The following PSCA variants were observed in gnomAD, a reference collection of about 807,000 sequenced individuals.
PSCA encodes prostate stem cell antigen.
PSCA carries 7 observed loss-of-function variants against 7.9 expected under a neutral mutation model. The ratio of observed to expected loss-of-function variants is 0.89; its 90% CI spans 0.51 to 1.67. The LOEUF is 1.67. Ranked by LOEUF, PSCA falls within the 40% of genes most tolerant of loss-of-function variation. The probability of loss-of-function intolerance (pLI) is 0.00; values close to 1 mark genes in which losing one functional copy is unlikely to be tolerated. For missense variants in PSCA, 151 were observed against 147.9 expected (o/e 1.02, Z -0.11); for synonymous variants, 61 against 68.3 (o/e 0.89, Z 0.53).
upstream of PSCA, among the ~76,000 whole-genome samples, chr8:142,677,674 G>A (rs1847414671): frequency 6.6e-6 from 1 of 152,070 alleles, no homozygotes; most frequent in Non-Finnish European, 1.5e-5. Flanking sequence ...GTTCATGACT[G>A]TATGAGGCCC....
intron 1 of PSCA, among the ~76,000 whole-genome samples, chr8:142,672,569 C>G (rs1379071588): frequency 2.0e-5 from 3 of 152,156 alleles, no homozygotes; most frequent in Admixed American, 1.3e-4. Context: ...AGTCCTCCCT[C>G]CCCCGGAAGG....
chr8:142,681,804 A>G, intron 2 of PSCA, 117 bp from the exon 3 acceptor site: 1 of 759,570 alleles, frequency 1.3e-6, no homozygotes, highest in African/African-American at 1.8e-5. Flanking sequence ...TGCAATCCTG[A>G]GGCCAGCCCA....
At chr8:142,680,635 G>T in intron 1 of PSCA, 72 bp downstream of exon 1, 1 of 1,522,778 alleles carries the variant, frequency 6.6e-7, no homozygotes, top group South Asian at 1.2e-5. Flanking sequence ...GATACCTGCA[G>T]GGCACACGGA....
intron 1 of PSCA, chr8:142,681,017 T>G: frequency 2.2e-6 from 1 of 455,926 alleles, no homozygotes; most frequent in Non-Finnish European, 4.0e-6. Context: ...CTTCCAAGGG[T>G]CCCAGGGAGC....
chr8:142,680,900 C>T (rs1036022803), intron 1 of PSCA: 5 of 516,122 alleles, frequency 9.7e-6, no homozygotes, highest in African/African-American at 1.9e-5. Flanking sequence ...AGACATGGGA[C>T]AGGAAGCCTC....
upstream of PSCA, among the ~76,000 whole-genome samples, chr8:142,679,500 G>A (rs1170358887): frequency 6.6e-6 from 1 of 152,234 alleles, no homozygotes; most frequent in Non-Finnish European, 1.5e-5. Flanking sequence ...ACAGCCCCCA[G>A]GAGACCCTGA....
At chr8:142,671,768 G>A (rs1847332218) in intron 1 of PSCA, among the ~76,000 whole-genome samples, 1 of 152,048 alleles carries the variant, frequency 6.6e-6, no homozygotes, top group Non-Finnish European at 1.5e-5. Flanking sequence ...GGCTGGTCTC[G>A]AGCTCGTGGA....
At position 142,682,265 on chromosome 8, in the gene PSCA, T is replaced by C. The variant is rs1554638500; in HGVS notation, c.*133T>C. On this transcript the variant is annotated 3_prime_UTR_variant, in exon 3 of 3. Coordinates refer to ENST00000301258, the MANE Select transcript of PSCA (RefSeq NM_005672.5). ...ATCCTAACGCAAGTCTGACCATGTA[T>C]GTCTGCGCCCCTGTCCCCCACCCTG... The C allele has an allele frequency of 8.8e-7, 1 of 1,142,206 alleles. No homozygotes were observed. 70.8% of individuals were successfully genotyped at this position (1,142,206 alleles called of 1,614,324 possible).
rs782033406 is a variant in PSCA at position 142,680,564 on chromosome 8, G to A, written c.25+1G>A. The A allele has an allele frequency of 1.3e-6, 2 of 1,554,056 alleles. No individual in the cohort carries two copies. Among genetic ancestry groups the A allele is most frequent in the African/African-American group, 1.4e-5 (1 of 73,268 alleles). On this transcript the variant is annotated splice_donor_variant, in intron 1 of 2. Coordinates refer to ENST00000301258, the MANE Select transcript of PSCA (RefSeq NM_005672.5). LOFTEE classifies it high-confidence loss of function. ...ATGGCAGGCTTGGCCCTGCAGCCAG[G>A]TGAGGCCTTGGCTGGCCCCCAGCAG... is the stretch of plus-strand genomic sequence containing the variant.
intron 1 of PSCA, among the ~76,000 whole-genome samples, chr8:142,671,547 G>A (rs1168423886): frequency 6.6e-6 from 1 of 152,126 alleles, no homozygotes; most frequent in African/African-American, 2.4e-5. Flanking sequence ...GATTTGGGTA[G>A]CTCACTCCTC....
chr8:142,674,300 TTCAGTC>T (rs1392383179), intron 1 of PSCA, among the ~76,000 whole-genome samples: 1 of 144,334 alleles, frequency 6.9e-6, no homozygotes, highest in Non-Finnish European at 1.5e-5. Context: ...TGGGAATCGT[TTCAGTC>T]TAACCTCAGC....
At chr8:142,680,713 A>G in intron 1 of PSCA, 150 bp downstream of exon 1, 1 of 1,122,496 alleles carries the variant, frequency 8.9e-7, no homozygotes, top group Admixed American at 2.1e-5. Context: ...CCGCTCCTCC[A>G]GGGAAGCTCT....
chr8:142,680,343 G>C (rs1041714472), upstream of PSCA: 28 of 625,588 alleles, frequency 4.5e-5, no homozygotes, highest in South Asian at 5.0e-4. Flanking sequence ...AGGACAAAGG[G>C]AGAGGGAGGT....
intron 1 of PSCA, chr8:142,681,047 C>A (rs1847456993): frequency 4.1e-6 from 2 of 487,706 alleles, no homozygotes; most frequent in Non-Finnish European, 3.7e-6. Context: ...TGAGGTGGGA[C>A]CCTCCCGACC....
At chr8:142,679,027 G>A (rs587661936), upstream of PSCA, among the ~76,000 whole-genome samples, 9 of 148,342 alleles carry the variant, frequency 6.1e-5, no homozygotes, top group South Asian at 1.3e-3. Context: ...ACCGCCCAGC[G>A]GGCTGGGCCT....
chr8:142,680,608 G>C, intron 1 of PSCA, 45 bp downstream of exon 1: 1 of 1,551,246 alleles, frequency 6.4e-7, no homozygotes, highest in East Asian at 2.4e-5. Context: ...GCAGGGGTGA[G>C]CCGGGGAGGC....
At chr8:142,671,110 G>A (rs1300073536) in intron 1 of PSCA, among the ~76,000 whole-genome samples, 4 of 152,132 alleles carry the variant, frequency 2.6e-5, no homozygotes, top group Admixed American at 6.5e-5. Flanking sequence ...GTTTTTTTCC[G>A]AATTGTTTGT....
upstream of PSCA, among the ~76,000 whole-genome samples, chr8:142,679,577 A>T (rs1449125503): frequency 6.6e-6 from 1 of 152,242 alleles, no homozygotes; most frequent in African/African-American, 2.4e-5. Flanking sequence ...ATGAGACATC[A>T]ATCAAATATA....
At chr8:142,677,221 C>G (rs1313119063), upstream of PSCA, among the ~76,000 whole-genome samples, 2 of 152,298 alleles carry the variant, frequency 1.3e-5, no homozygotes, top group East Asian at 3.9e-4. Context: ...AGGAATGTCA[C>G]AGCCATGGTC....
Sources: gnomAD v4.1 joint callset for allele counts (sites outside exome capture counted in the v4.1 genomes callset) on GRCh38, gnomAD v4.1.1 for gene constraint, MANE v1.5 for transcripts, NCBI Gene and HGNC (gene_info 2026-07-23, HGNC 2026-07-21) for gene names.